The following TENM2 variants were observed in gnomAD, a reference collection of about 807,000 sequenced individuals.
TENM2 encodes teneurin-2.
Under a neutral mutation model 245.2 loss-of-function variants are expected in TENM2, and 52 were observed. The observed-to-expected ratio is 0.21, with a 90% CI of 0.17 to 0.27. The LOEUF (loss-of-function observed/expected upper bound fraction) is 0.27. TENM2 is among the 10% of genes least tolerant of loss of function. The probability of loss-of-function intolerance (pLI) is 1.00; values close to 1 mark genes in which losing one functional copy is unlikely to be tolerated. For missense variants in TENM2, 3,046 were observed against 3,666.8 expected, an observed-to-expected ratio of 0.83 and a Z score of 4.37; for synonymous variants, 1,363 against 1,438.9, an observed-to-expected ratio of 0.95 and a Z score of 1.19.
chr5:167,464,037 G>C (rs1244465751), intron 2 of TENM2, among the ~76,000 whole-genome samples: 1 of 152,196 alleles, frequency 6.6e-6, no homozygotes, highest in Non-Finnish European at 1.5e-5. Context: ...AATTTCCAGA[G>C]AGATGCTCCA....
At chr5:167,223,818 G>A in the TENM2 span, among the ~76,000 whole-genome samples, 17 of 142,884 alleles carry the variant, frequency 1.2e-4, no homozygotes, top group Non-Finnish European at 2.4e-4. Flanking sequence ...TGGTGTATAT[G>A]TTCCCTTTTC....
At chr5:167,385,878 G>A (rs1031815579) in intron 2 of TENM2, among the ~76,000 whole-genome samples, 6 of 151,360 alleles carry the variant, frequency 4.0e-5, no homozygotes, top group African/African-American at 1.2e-4. Context: ...GTGTGTGTGT[G>A]TGTGTGTGTG....
At chr5:167,137,723 GTATT>G in the TENM2 span, among the ~76,000 whole-genome samples, 1 of 152,184 alleles carries the variant, frequency 6.6e-6, no homozygotes, top group Non-Finnish European at 1.5e-5. Flanking sequence ...TGAGTAATAT[GTATT>G]TGTTTCTTAA....
intron 2 of TENM2, among the ~76,000 whole-genome samples, chr5:167,398,541 C>T (rs1762199948): frequency 6.6e-6 from 1 of 151,788 alleles, no homozygotes; most frequent in Admixed American, 6.6e-5. Context: ...AAGTGATTCT[C>T]CTGCCTCAGC....
intron 2 of TENM2, among the ~76,000 whole-genome samples, chr5:167,784,042 A>T (rs1378343791): frequency 6.6e-6 from 1 of 152,222 alleles, no homozygotes; most frequent in Admixed American, 6.5e-5. Context: ...CCATCTATTG[A>T]TAACCTTGTG....
Position 168,218,653 on chromosome 5 carries a change from C to T in TENM2, c.4762C>T (p.Pro1588Ser). 6.2e-7 allele frequency: 1 copy of T among 1,613,954 alleles called. No homozygotes were observed. Among genetic ancestry groups the T allele is most frequent in the Non-Finnish European group, 8.5e-7 (1 of 1,179,876 alleles). ...CTTCAACCAGTATGAGGCTGCATCC[C>T]CCGGAGAGCAGGAGTTATATGTTTT... The change falls in exon 23 of 29, where the codon CCC (proline) becomes TCC (serine). Residue 1588 changes from proline to serine, a missense_variant. Coordinates refer to ENST00000518659, the Ensembl canonical transcript of TENM2. This position sits in a 1 kb window ranked among gnomAD's most constrained non-coding sequence, Gnocchi z 5.2.
chr5:167,476,193 G>A (rs1035939844), intron 2 of TENM2, among the ~76,000 whole-genome samples: 7 of 151,974 alleles, frequency 4.6e-5, no homozygotes, highest in Non-Finnish European at 8.8e-5. Context: ...ATTCTTATTC[G>A]GTCTTACAAA....
At chr5:167,813,997 C>T (rs1173458799) in intron 2 of TENM2, among the ~76,000 whole-genome samples, 1 of 152,128 alleles carries the variant, frequency 6.6e-6, no homozygotes, top group Non-Finnish European at 1.5e-5. Context: ...CCCAGCTTCT[C>T]ATCGTCCACC....
At chr5:167,096,307 T>C in the TENM2 span, among the ~76,000 whole-genome samples, 5 of 152,346 alleles carry the variant, frequency 3.3e-5, no homozygotes, top group African/African-American at 1.2e-4. Context: ...TGCCCTTTTC[T>C]GATTTATGTT....
chr5:167,484,738 A>C (rs888525602), intron 2 of TENM2, among the ~76,000 whole-genome samples: 3 of 152,216 alleles, frequency 2.0e-5, no homozygotes, highest in Non-Finnish European at 2.9e-5. Flanking sequence ...ACATTTGAAA[A>C]GATCTAATAC....
At chr5:168,061,661 A>G (rs1000471118) in intron 6 of TENM2, among the ~76,000 whole-genome samples, 2 of 152,194 alleles carry the variant, frequency 1.3e-5, no homozygotes, top group African/African-American at 4.8e-5. Context: ...GTGTCTAGAA[A>G]GAATAATGAA....
chr5:167,979,103 C>T (rs1168783159), intron 4 of TENM2, among the ~76,000 whole-genome samples: 1 of 152,142 alleles, frequency 6.6e-6, no homozygotes, highest in Non-Finnish European at 1.5e-5. Flanking sequence ...ACAGGATCCC[C>T]ATTCAACATC....
At chr5:167,907,525 AT>A (rs1247767367) in intron 3 of TENM2, among the ~76,000 whole-genome samples, 20 of 1,624 alleles carry the variant, frequency 0.012, no homozygotes, top group Non-Finnish European at 1.3e-3. Context: ...ATCACCCTAA[AT>A]ATATATATAT....
chr5:167,136,891 T>C, the TENM2 span, among the ~76,000 whole-genome samples: 1 of 152,246 alleles, frequency 6.6e-6, no homozygotes, highest in Non-Finnish European at 1.5e-5. Flanking sequence ...TATTAGTCTA[T>C]TCAGGCTGCT....
chr5:167,110,599 A>G, the TENM2 span, among the ~76,000 whole-genome samples: 3 of 152,246 alleles, frequency 2.0e-5, no homozygotes, highest in African/African-American at 7.2e-5. Flanking sequence ...ATTGGGTAGT[A>G]AGTACATCAG....
chr5:167,872,565 AGAAAGAAAG>A lies in TENM2; in HGVS notation c.503-3420_503-3412del, dbSNP rs1773071588. 8.4e-5 allele frequency among the ~76,000 whole-genome samples: 4 copies of A among 47,528 alleles called. 1 individual carries two copies. Among genetic ancestry groups the A allele is most frequent in the Non-Finnish European group, 3.2e-4 (4 of 12,544 alleles). 31.2% of individuals were successfully genotyped at this position (47,528 alleles called of 152,430 possible). A position where few individuals can be genotyped will look rare whatever the true frequency, so the allele number is the denominator to read the frequency against. On this transcript the variant is annotated intron_variant, in intron 2 of 28. Coordinates refer to ENST00000518659, the Ensembl canonical transcript of TENM2. ...GAAAGAAAGAGAAAGAAAGAAAGAA[AGAAAGAAAG>A]AAAGAAAGAGTATACCATTTGCTGG...
chr5:167,242,634 A>C, the TENM2 span, among the ~76,000 whole-genome samples: 1 of 152,190 alleles, frequency 6.6e-6, no homozygotes, highest in Non-Finnish European at 1.5e-5. Context: ...ATGAATAGTA[A>C]ATATATTTTC....
In TENM2 at chr5:167,517,758, A is replaced by G. The variant is rs151066054; in HGVS notation, c.502+142285A>G. On this transcript the variant is annotated intron_variant, in intron 2 of 28. Transcript: ENST00000518659. ...CTGGATCCTTTACCAGATTTGTGCT[A>G]TCTTGCAAAGGCTGATACCATTCAA... is the stretch of plus-strand genomic sequence containing the variant. 8.1e-4 allele frequency among the ~76,000 whole-genome samples: 124 copies of G among 152,286 alleles called. 2 individuals carry two copies. The East Asian group carries it at 0.019, about 23-fold the overall frequency.
chr5:167,142,281 G>T, the TENM2 span, among the ~76,000 whole-genome samples: 1 of 152,040 alleles, frequency 6.6e-6, no homozygotes, highest in Non-Finnish European at 1.5e-5. Context: ...TGTCACTCCT[G>T]CCCAGAGACC....
Sources: allele counts gnomAD v4.1 joint callset (sites outside exome capture counted in the v4.1 genomes callset), GRCh38; gene constraint gnomAD v4.1.1; non-coding constraint Gnocchi (gnomAD v3.1); transcripts MANE v1.5; gene names NCBI Gene and HGNC (gene_info 2026-07-23, HGNC 2026-07-21).